VCL: variants seen among roughly 807,000 people sequenced by gnomAD.
VCL encodes the protein epididymis luminal protein 114.
VCL carries 47 observed loss-of-function variants against 125.7 expected under a neutral mutation model. The ratio of observed to expected loss-of-function variants is 0.37; its 90% CI spans 0.30 to 0.48. The LOEUF (loss-of-function observed/expected upper bound fraction) is 0.48, where lower values mean the gene tolerates loss of function less well. Ranked by LOEUF, VCL falls within the 20% of genes least tolerant of loss-of-function variation. The pLI, the probability that VCL is intolerant of heterozygous loss-of-function variation, is 0.99. For synonymous variants in VCL, 458 were observed against 514.6 expected (o/e 0.89, Z 1.49); for missense variants, 1,069 against 1,455.5 (o/e 0.73, Z 4.32).
chr10:74,056,330 T>C (rs554916148), intron 2 of VCL, among the ~76,000 whole-genome samples: 4 of 152,162 alleles, frequency 2.6e-5, no homozygotes, highest in African/African-American at 9.6e-5. Flanking sequence ...GTTTTCCCCT[T>C]AGCTTTATTG....
chr10:74,114,407 G>A lies in VCL; in HGVS notation c.3153+20G>A. The A allele has an allele frequency of 1.3e-6, 2 of 1,585,480 alleles. No individual in the cohort carries two copies. The highest frequency in any genetic ancestry group is 1.7e-6 in the Non-Finnish European group (2 of 1,172,960). On this transcript the variant is annotated intron_variant, in intron 20 of 21. Transcript: ENST00000211998. ...TTACAGGTACTCGGGGAAAGAGGCT[G>A]CGTGTGTGTGTGTGTGTGTGTGTGT...
chr10:74,079,622 T>G (rs896921436), intron 6 of VCL, among the ~76,000 whole-genome samples: 3 of 152,206 alleles, frequency 2.0e-5, no homozygotes, highest in Non-Finnish European at 4.4e-5. Flanking sequence ...TTATGTCATA[T>G]TCATTGTTTG....
intron 1 of VCL, among the ~76,000 whole-genome samples, chr10:74,038,997 C>T (rs912707855): frequency 2.6e-5 from 4 of 152,016 alleles, no homozygotes; most frequent in Non-Finnish European, 4.4e-5. Flanking sequence ...CTGCAACCTC[C>T]GCCTCCCAGG....
intron 1 of VCL, among the ~76,000 whole-genome samples, chr10:74,019,192 T>A (rs1033181036): frequency 2.6e-5 from 4 of 152,214 alleles, no homozygotes; most frequent in Non-Finnish European, 5.9e-5. Context: ...AAGAGGAACA[T>A]ACTAAGCATT....
At chr10:74,037,142 C>T (rs1040709764) in intron 1 of VCL, among the ~76,000 whole-genome samples, 28 of 151,676 alleles carry the variant, frequency 1.8e-4, no homozygotes, top group Admixed American at 1.6e-3. Context: ...CATCTCCTGA[C>T]CTTGTGATCT....
intron 2 of VCL, among the ~76,000 whole-genome samples, chr10:74,055,765 G>C (rs1841380337): frequency 6.6e-6 from 1 of 152,132 alleles, no homozygotes; most frequent in Non-Finnish European, 1.5e-5. Context: ...GTCTATTTCT[G>C]CTGCAACCCT....
chr10:74,053,271 T>G (rs1223030276), intron 2 of VCL, among the ~76,000 whole-genome samples: 1 of 152,104 alleles, frequency 6.6e-6, no homozygotes, highest in Admixed American at 6.5e-5. Context: ...CTAAATCAGG[T>G]TCTAAATTCA....
Position 74,074,904 on chromosome 10 carries a change from G to T in VCL, c.783+1G>T. ...GGATGAAGATGCCTGGGCCAGCAAG[G>T]TACGTGTTCTTAGTGGAGAAATAAG... On this transcript the variant is annotated splice_donor_variant, in intron 6 of 21. Transcript: ENST00000211998. LOFTEE classifies it high-confidence loss of function. The T allele has an allele frequency of 6.2e-7, 1 of 1,614,132 alleles. No individual in the cohort carries two copies. Among genetic ancestry groups the T allele is most frequent in the Non-Finnish European group, 8.5e-7 (1 of 1,180,010 alleles).
At chr10:74,002,189 G>A (rs1235720009) in intron 1 of VCL, among the ~76,000 whole-genome samples, 3 of 152,174 alleles carry the variant, frequency 2.0e-5, no homozygotes, top group Non-Finnish European at 4.4e-5. Flanking sequence ...GCAGTGGCAT[G>A]ATCTTGGCTC....
chr10:74,114,941 T>G (rs1840289011), intron 21 of VCL, 42 bp downstream of exon 21: 1 of 1,533,760 alleles, frequency 6.5e-7, no homozygotes, highest in Admixed American at 2.0e-5. Flanking sequence ...GCAGCTTCTG[T>G]GCCGTTTTGC....
At chr10:74,087,957 C>G (rs188030090) in intron 8 of VCL, among the ~76,000 whole-genome samples, 1 of 152,112 alleles carries the variant, frequency 6.6e-6, no homozygotes, top group Non-Finnish European at 1.5e-5. Flanking sequence ...CTCCCAAGAT[C>G]GCGCCACTTC....
chr10:74,043,954 A>T (rs1364459819), intron 2 of VCL, among the ~76,000 whole-genome samples: 7 of 151,330 alleles, frequency 4.6e-5, no homozygotes, highest in South Asian at 2.1e-4. Context: ...CTAAAAATAT[A>T]AAAAAAATTA....
chr10:74,052,937 A>G (rs1841330558), intron 2 of VCL, among the ~76,000 whole-genome samples: 1 of 49,750 alleles, frequency 2.0e-5, no homozygotes, highest in Non-Finnish European at 5.3e-5. Context: ...GGCTGTGATG[A>G]AAAAAAAAAA....
intron 10 of VCL, among the ~76,000 whole-genome samples, chr10:74,093,074 A>G (rs1839912848): frequency 6.6e-6 from 1 of 152,226 alleles, no homozygotes; most frequent in Non-Finnish European, 1.5e-5. Context: ...ACGTGGGCAC[A>G]TCACCCGAGG....
intron 2 of VCL, among the ~76,000 whole-genome samples, chr10:74,043,410 G>A (rs763318907): frequency 4.0e-5 from 6 of 151,658 alleles, no homozygotes; most frequent in South Asian, 2.1e-4. Context: ...GCAATGGTGC[G>A]ATGTCAGCTC....
chr10:74,056,249 G>T (rs571809629), intron 2 of VCL, among the ~76,000 whole-genome samples: 4 of 151,428 alleles, frequency 2.6e-5, no homozygotes, highest in Non-Finnish European at 5.9e-5. Flanking sequence ...CTAGCAAAGG[G>T]TTTGGTGTTT....
chr10:74,068,328 CTTTTCTT>C (rs1841607257), intron 2 of VCL, among the ~76,000 whole-genome samples: 1 of 151,858 alleles, frequency 6.6e-6, no homozygotes, highest in Non-Finnish European at 1.5e-5. Flanking sequence ...TCTTCTTCTT[CTTTTCTT>C]TTTTCTTTTT....
At chr10:74,115,791 T>C (rs1020843606) in intron 21 of VCL, among the ~76,000 whole-genome samples, 86 of 152,224 alleles carry the variant, frequency 5.6e-4, no homozygotes, top group Non-Finnish European at 3.7e-4. Context: ...CTGATAGAGA[T>C]AGAAATAAGG....
At chr10:74,059,291 G>A (rs534342874) in intron 2 of VCL, among the ~76,000 whole-genome samples, 1 of 151,870 alleles carries the variant, frequency 6.6e-6, no homozygotes, top group Non-Finnish European at 1.5e-5. Context: ...GAGAGGCAGA[G>A]TTTGCAGTGG....
Sources: gnomAD v4.1 joint callset for allele counts (sites outside exome capture counted in the v4.1 genomes callset) on GRCh38, gnomAD v4.1.1 for gene constraint, MANE v1.5 for transcripts, NCBI Gene and HGNC (gene_info 2026-07-23, HGNC 2026-07-21) for gene names.